Variants in OLFM3 observed in about 807,000 individuals in gnomAD.
The protein encoded by OLFM3 is olfactomedin 3, also known as noelin-3.
In OLFM3, 20 loss-of-function variants were observed where a neutral mutation model predicts 48.6. That is an observed-to-expected ratio of 0.41 (90% confidence interval 0.29 to 0.60). The LOEUF is 0.60. Ranked by LOEUF, OLFM3 falls within the 20% of genes least tolerant of loss-of-function variation. The pLI, the probability that OLFM3 is intolerant of heterozygous loss-of-function variation, is 0.28. For synonymous variants in OLFM3, 222 were observed against 198.1 expected (o/e 1.12, Z -1.01); for missense variants, 437 against 544.3 (o/e 0.80, Z 1.96).
intron 1 of OLFM3, among the ~76,000 whole-genome samples, chr1:101,982,709 T>C (rs1273536811): frequency 6.6e-6 from 1 of 152,180 alleles, no homozygotes; most frequent in East Asian, 1.9e-4. Flanking sequence ...TGAGCTTGGC[T>C]ATCCCTTTTT....
intron 1 of OLFM3, among the ~76,000 whole-genome samples, chr1:101,890,931 C>A (rs1023521393): frequency 6.6e-5 from 10 of 151,936 alleles, no homozygotes; most frequent in African/African-American, 9.7e-5. Context: ...CTTCAGACAG[C>A]AAATATTTCC....
chr1:101,815,938 A>C (rs1392803834), intron 4 of OLFM3, among the ~76,000 whole-genome samples: 1 of 152,206 alleles, frequency 6.6e-6, no homozygotes, highest in Non-Finnish European at 1.5e-5. Flanking sequence ...CTAGCACAGA[A>C]CTCTGTAAAT....
intron 1 of OLFM3, among the ~76,000 whole-genome samples, chr1:101,862,224 A>C (rs187432512): frequency 6.6e-6 from 1 of 152,194 alleles, no homozygotes; most frequent in South Asian, 2.1e-4. Context: ...CAGTGACTCA[A>C]ATCTTCCAGG....
intron 5 of OLFM3, 98 bp from the exon 6 acceptor site, chr1:101,805,013 T>C: frequency 1.0e-6 from 1 of 966,306 alleles, no homozygotes; most frequent in Non-Finnish European, 1.5e-6. Flanking sequence ...ATTATAATTC[T>C]CAGGCTCTGG....
chr1:101,829,928 A>G (rs929827691), intron 3 of OLFM3, among the ~76,000 whole-genome samples: 5 of 150,862 alleles, frequency 3.3e-5, no homozygotes, highest in Admixed American at 6.6e-5. Flanking sequence ...TCCGCCTCCC[A>G]GGTTCACGCC....
intron 1 of OLFM3, among the ~76,000 whole-genome samples, chr1:101,963,130 G>C (rs537183390): frequency 6.6e-6 from 1 of 152,208 alleles, no homozygotes; most frequent in African/African-American, 2.4e-5. Flanking sequence ...ATTCTGCTGG[G>C]GTCTCTTCAA....
intron 1 of OLFM3, among the ~76,000 whole-genome samples, chr1:101,932,209 G>A (rs1659465380): frequency 6.6e-6 from 1 of 152,146 alleles, no homozygotes; most frequent in South Asian, 2.1e-4. Context: ...GAACTTTCTG[G>A]AATCATGTTT....
At chr1:101,905,656 G>A (rs1419638340) in intron 1 of OLFM3, among the ~76,000 whole-genome samples, 1 of 152,104 alleles carries the variant, frequency 6.6e-6, no homozygotes, top group Non-Finnish European at 1.5e-5. Flanking sequence ...GACATCACAA[G>A]GGGAAGGCGC....
At chr1:101,865,728 G>A (rs1570575519) in intron 1 of OLFM3, among the ~76,000 whole-genome samples, 1 of 152,256 alleles carries the variant, frequency 6.6e-6, no homozygotes, top group South Asian at 2.1e-4. Flanking sequence ...TGGCTGTAGT[G>A]CTATCATTCA....
intron 1 of OLFM3, among the ~76,000 whole-genome samples, chr1:101,920,129 C>T (rs1450263950): frequency 6.6e-6 from 1 of 152,186 alleles, no homozygotes; most frequent in Non-Finnish European, 1.5e-5. Context: ...TCCCTGATTT[C>T]CTAATTGGTC....
At chr1:101,929,978 G>A (rs1044444023) in intron 1 of OLFM3, among the ~76,000 whole-genome samples, 6 of 151,990 alleles carry the variant, frequency 3.9e-5, no homozygotes, top group African/African-American at 1.4e-4. Flanking sequence ...TAGAGGAAAA[G>A]GGTAGTATTT....
intron 1 of OLFM3, among the ~76,000 whole-genome samples, chr1:101,939,917 CA>C (rs1659735791): frequency 6.6e-6 from 1 of 152,076 alleles, no homozygotes; most frequent in Non-Finnish European, 1.5e-5. Flanking sequence ...CTTATCCTTC[CA>C]TTATATTATT....
chr1:101,915,157 T>G (rs1176508656), intron 1 of OLFM3, among the ~76,000 whole-genome samples: 1 of 152,148 alleles, frequency 6.6e-6, no homozygotes, highest in Non-Finnish European at 1.5e-5. Context: ...GAAAGTCAAT[T>G]TGATTTTTAA....
chr1:101,954,973 G>C (rs574126174), intron 1 of OLFM3, among the ~76,000 whole-genome samples: 67 of 152,148 alleles, frequency 4.4e-4, no homozygotes, highest in African/African-American at 1.6e-3. Context: ...AGTTTCAACA[G>C]TTTTACTGCT....
intron 1 of OLFM3, among the ~76,000 whole-genome samples, chr1:101,960,892 T>C (rs930498329): frequency 6.6e-6 from 1 of 152,186 alleles, no homozygotes; most frequent in Non-Finnish European, 1.5e-5. Flanking sequence ...TCTAAGATGG[T>C]CCATTTATTC....
intron 1 of OLFM3, among the ~76,000 whole-genome samples, chr1:101,990,983 A>C (rs1244398035): frequency 1.4e-5 from 1 of 71,064 alleles, no homozygotes; most frequent in African/African-American, 5.2e-5. Context: ...AGACTCTGTC[A>C]AAAAGTAAAA....
At chr1:101,925,307 G>T (rs968536026) in intron 1 of OLFM3, among the ~76,000 whole-genome samples, 19 of 151,646 alleles carry the variant, frequency 1.3e-4, no homozygotes, top group African/African-American at 3.2e-4. Context: ...GAAAGACATT[G>T]ATCTATATTA....
chr1:101,960,173 A>G (rs17125838), intron 1 of OLFM3, among the ~76,000 whole-genome samples: 4,393 of 152,278 alleles, frequency 0.029, 78 homozygotes, highest in Admixed American at 0.035. Flanking sequence ...GTTGGTACCT[A>G]GAGAGATTAC....
chr1:101,922,279 A>T (rs149119027), intron 1 of OLFM3, among the ~76,000 whole-genome samples: 1 of 152,316 alleles, frequency 6.6e-6, no homozygotes, highest in Non-Finnish European at 1.5e-5. Flanking sequence ...TAATACATGT[A>T]AAGCGCTTTA....
Sources: allele counts gnomAD v4.1 joint callset (sites outside exome capture counted in the v4.1 genomes callset), GRCh38; gene constraint gnomAD v4.1.1; transcripts MANE v1.5; gene names NCBI Gene and HGNC (gene_info 2026-07-23, HGNC 2026-07-21).